KAZN: variants seen among roughly 807,000 people sequenced by gnomAD.
KAZN encodes kazrin, periplakin interacting protein.
A neutral mutation model predicts 87.4 loss-of-function variants in KAZN; 40 were observed. The ratio of observed to expected loss-of-function variants is 0.46; its 90% confidence interval spans 0.36 to 0.60. The LOEUF is 0.60. Among genes scored for constraint, KAZN ranks in the 20% least tolerant of loss-of-function variants. The pLI, the probability that KAZN is intolerant of heterozygous loss-of-function variation, is 0.00. For synonymous variants in KAZN, 466 were observed against 458.3 expected (o/e 1.02, Z -0.22); for missense variants, 898 against 1,073.9 (o/e 0.84, Z 2.29).
At chr1:14,392,622 C>T (rs1250972389) in intron 2 of KAZN, among the ~76,000 whole-genome samples, 1 of 152,080 alleles carries the variant, frequency 6.6e-6, no homozygotes, top group Non-Finnish European at 1.5e-5. Context: ...TGGGAGTGTC[C>T]TGTGCATTGT....
chr1:14,155,875 C>T (rs1645582240), intron 1 of KAZN, among the ~76,000 whole-genome samples: 1 of 152,136 alleles, frequency 6.6e-6, no homozygotes, highest in Admixed American at 6.5e-5. Context: ...ATCTCGAACT[C>T]CTGGCCTCAT....
chr1:14,682,097 A>G (rs1231157743), intron 1 of KAZN, among the ~76,000 whole-genome samples: 1 of 151,962 alleles, frequency 6.6e-6, no homozygotes, highest in African/African-American at 2.4e-5. Context: ...CTCAAAGAGC[A>G]GCTATCCCCA....
chr1:14,726,125 G>A (rs1336859837), intron 1 of KAZN, among the ~76,000 whole-genome samples: 2 of 152,222 alleles, frequency 1.3e-5, no homozygotes, highest in Non-Finnish European at 2.9e-5. Context: ...CTCTGTGAAT[G>A]AGGCTTCAGA....
At chr1:13,913,606 T>G (rs1212809794) in intron 1 of KAZN, among the ~76,000 whole-genome samples, 1 of 152,210 alleles carries the variant, frequency 6.6e-6, no homozygotes, top group African/African-American at 2.4e-5. Flanking sequence ...AATCTGGTTC[T>G]CTTCTGGCCT....
At chr1:14,754,687 G>C (rs6683649) in intron 1 of KAZN, among the ~76,000 whole-genome samples, 80,331 of 151,886 alleles carry the variant, frequency 0.53, 21,924 homozygotes, top group Middle Eastern at 0.59. Flanking sequence ...TCACGTTGTT[G>C]GATGATGTTT....
intron 2 of KAZN, among the ~76,000 whole-genome samples, chr1:14,419,791 G>T (rs1465690595): frequency 6.6e-6 from 1 of 152,030 alleles, no homozygotes; most frequent in Non-Finnish European, 1.5e-5. Flanking sequence ...ATCCGGAGTT[G>T]TTCATTCCTC....
intron 1 of KAZN, among the ~76,000 whole-genome samples, chr1:14,049,467 TAAAAC>T (rs1642218598): frequency 6.6e-6 from 1 of 152,004 alleles, no homozygotes; most frequent in Non-Finnish European, 1.5e-5. Flanking sequence ...AAAGTATAAT[TAAAAC>T]AAACAAACAA....
At chr1:14,450,547 G>T (rs868240067) in intron 2 of KAZN, among the ~76,000 whole-genome samples, 9 of 152,122 alleles carry the variant, frequency 5.9e-5, no homozygotes, top group Non-Finnish European at 1.3e-4. Context: ...TGGAGATCAT[G>T]CCATTGCACT....
chr1:15,067,683 T>C, intron 8 of KAZN: 2 of 985,396 alleles, frequency 2.0e-6, no homozygotes, highest in Non-Finnish European at 1.2e-6. Context: ...AACAACACTT[T>C]CCTTCTGACC....
intron 1 of KAZN, among the ~76,000 whole-genome samples, chr1:14,883,363 G>GAAAGAAAGAAAGA (rs1653638301): frequency 1.6e-5 from 1 of 62,264 alleles, no homozygotes; most frequent in African/African-American, 6.2e-5. Flanking sequence ...AGAAAAGAAA[G>GAAAGAAAGAAAGA]AAAGAAAGAA....
At chr1:14,467,695 A>G (rs888493924) in intron 2 of KAZN, among the ~76,000 whole-genome samples, 6 of 150,592 alleles carry the variant, frequency 4.0e-5, no homozygotes, top group Admixed American at 1.3e-4. Context: ...AAAAAAAAAA[A>G]GTAGACTTTA....
At chr1:14,622,909 G>A (rs1476505065) in intron 1 of KAZN, among the ~76,000 whole-genome samples, 1 of 148,434 alleles carries the variant, frequency 6.7e-6, no homozygotes, top group African/African-American at 2.5e-5. Flanking sequence ...AACTTCTTTG[G>A]GTATCAGTGT....
chr1:14,792,021 T>C (rs1645690105), intron 1 of KAZN, among the ~76,000 whole-genome samples: 1 of 150,860 alleles, frequency 6.6e-6, no homozygotes, highest in Admixed American at 6.9e-5. Flanking sequence ...ATGCTTTTCA[T>C]GTTCCCCCTG....
At chr1:14,522,746 T>C (rs1671653093) in intron 2 of KAZN, among the ~76,000 whole-genome samples, 1 of 152,182 alleles carries the variant, frequency 6.6e-6, no homozygotes. Context: ...TCGGAGAAAA[T>C]ATAGATCTTT....
At chr1:14,088,794 A>G (rs1209032498) in intron 1 of KAZN, among the ~76,000 whole-genome samples, 1 of 151,804 alleles carries the variant, frequency 6.6e-6, no homozygotes, top group African/African-American at 2.4e-5. Flanking sequence ...TTATTGTTTC[A>G]TATACTTTGA....
intron 13 of KAZN, among the ~76,000 whole-genome samples, chr1:15,109,373 GA>G (rs1016393735): frequency 5.9e-5 from 9 of 151,846 alleles, no homozygotes; most frequent in Non-Finnish European, 1.3e-4. Context: ...TCGCTCAGAG[GA>G]AAAAAAAGAT....
intron 2 of KAZN, among the ~76,000 whole-genome samples, chr1:14,989,633 T>C (rs1667160688): frequency 6.6e-6 from 1 of 152,250 alleles, no homozygotes; most frequent in Non-Finnish European, 1.5e-5. Context: ...TTGGGCCAGC[T>C]ACTCAGCCCC....
At chr1:15,008,785 G>A (rs1669286963) in intron 2 of KAZN, among the ~76,000 whole-genome samples, 1 of 151,844 alleles carries the variant, frequency 6.6e-6, no homozygotes. Context: ...GGGCCCAGGA[G>A]CCCTGGGCAG....
intron 1 of KAZN, among the ~76,000 whole-genome samples, chr1:13,896,976 G>A (rs918712940): frequency 9.9e-5 from 15 of 152,182 alleles, no homozygotes; most frequent in African/African-American, 3.6e-4. Context: ...AGTAGTGGGA[G>A]CATGAAGGTC....
Sources: gnomAD v4.1 joint callset for allele counts (sites outside exome capture counted in the v4.1 genomes callset) on GRCh38, gnomAD v4.1.1 for gene constraint, MANE v1.5 for transcripts, NCBI Gene and HGNC (gene_info 2026-07-23, HGNC 2026-07-21) for gene names.